Variants in GAREM1 observed in about 807,000 individuals in gnomAD.
The protein encoded by GAREM1 is GRB2 associated regulator of MAPK1 subtype 1.
Under a neutral mutation model 71.3 loss-of-function variants are expected in GAREM1, and 26 were observed. That is an observed-to-expected ratio of 0.36 (90% CI 0.27 to 0.51). GAREM1 has a LOEUF of 0.51. Among genes scored for constraint, GAREM1 ranks in the 20% least tolerant of loss-of-function variants. GAREM1 has a pLI of 0.95. For synonymous variants in GAREM1, 440 were observed against 433.2 expected (o/e 1.02, Z -0.20); for missense variants, 1,026 against 1,103.1 (o/e 0.93, Z 0.99).
chr18:32,398,981 T>C (rs1427333012), intron 1 of GAREM1, among the ~76,000 whole-genome samples: 1 of 152,164 alleles, frequency 6.6e-6, no homozygotes, highest in East Asian at 1.9e-4. Flanking sequence ...CATGATCAAG[T>C]GGGCTTCATC....
intron 1 of GAREM1, among the ~76,000 whole-genome samples, chr18:32,425,441 A>G (rs1365138731): frequency 1.3e-5 from 2 of 152,188 alleles, no homozygotes; most frequent in African/African-American, 4.8e-5. Context: ...ATAGTCTGCT[A>G]ATTGATCAGT....
At chr18:32,358,502 C>T (rs2047828416) in intron 2 of GAREM1, among the ~76,000 whole-genome samples, 1 of 152,132 alleles carries the variant, frequency 6.6e-6, no homozygotes, top group Admixed American at 6.5e-5. Flanking sequence ...GCTTAGCTCT[C>T]CACTTCTCTG....
intron 3 of GAREM1, among the ~76,000 whole-genome samples, chr18:32,291,544 C>A (rs984715845): frequency 5.9e-5 from 9 of 151,868 alleles, no homozygotes; most frequent in African/African-American, 2.2e-4. Context: ...GCAGAACGTT[C>A]AGGTTTATTA....
At chr18:32,410,895 C>T (rs772735083) in intron 1 of GAREM1, among the ~76,000 whole-genome samples, 6 of 152,130 alleles carry the variant, frequency 3.9e-5, no homozygotes, top group Non-Finnish European at 5.9e-5. Flanking sequence ...CTCCGTCTCC[C>T]GGGTTCAAGC....
At chr18:32,463,087 CAAAAA>C (rs35362243) in intron 1 of GAREM1, among the ~76,000 whole-genome samples, 4 of 148,046 alleles carry the variant, frequency 2.7e-5, no homozygotes, top group Non-Finnish European at 4.5e-5. Context: ...GTTCCCACTA[CAAAAA>C]AAAAAGATAA....
chr18:32,374,412 C>T (rs995232225), intron 2 of GAREM1, among the ~76,000 whole-genome samples: 4 of 152,316 alleles, frequency 2.6e-5, no homozygotes, highest in Admixed American at 6.5e-5. Context: ...TTTTGCTCTC[C>T]TTGTCAGCAT....
rs139517057 is a variant in GAREM1, at chr18:32,360,454, A to G, written c.262+32441T>C. 2.6e-5 allele frequency among the ~76,000 whole-genome samples: 4 copies of G among 152,190 alleles called. No homozygotes were observed. The East Asian group carries it at 5.8e-4, about 22-fold the overall frequency. The stretch of plus-strand genomic sequence containing the variant: ...TCAGATGGAAGTTTCAGGTGCATGA[A>G]AGGGGCTTGTTGACTGGTTAATTTC... On this transcript the variant is annotated intron_variant, in intron 2 of 5. Transcript: ENST00000269209.
intron 2 of GAREM1, among the ~76,000 whole-genome samples, chr18:32,344,781 G>T (rs189426525): frequency 6.6e-6 from 1 of 152,172 alleles, no homozygotes; most frequent in Non-Finnish European, 1.5e-5. Flanking sequence ...CAGTCTGTAG[G>T]CCGGGCACGG....
chr18:32,284,973 T>C (rs1254844948), intron 4 of GAREM1, among the ~76,000 whole-genome samples: 1 of 151,844 alleles, frequency 6.6e-6, no homozygotes, highest in Non-Finnish European at 1.5e-5. Context: ...ATGGTCTCGA[T>C]CTCCTGACCT....
chr18:32,324,592 CAA>C (rs2144545144), intron 2 of GAREM1, among the ~76,000 whole-genome samples: 1 of 152,316 alleles, frequency 6.6e-6, no homozygotes, highest in African/African-American at 2.4e-5. Context: ...ACAGTATTAT[CAA>C]AAGAGGATAG....
rs890407963 is a variant in GAREM1 at position 32,266,372 on chromosome 18, C to G, written c.*1499G>C. On this transcript the variant is annotated 3_prime_UTR_variant, in exon 6 of 6. Transcript: ENST00000269209. Reference sequence around the variant, plus strand: ...TTATGCTGCCGCCTCACTGGCTGACCTTCCTATTCAAGAGGGCACTGTGTG... The same window carrying G: ...TTATGCTGCCGCCTCACTGGCTGACGTTCCTATTCAAGAGGGCACTGTGTG... 6.6e-6 allele frequency: 1 copy of G among 152,024 alleles called. No homozygotes were observed. Among genetic ancestry groups the G allele is most frequent in the African/African-American group, 2.4e-5 (1 of 41,396 alleles). 9.4% of individuals were successfully genotyped at this position (152,024 alleles called of 1,614,324 possible).
In GAREM1 at chr18:32,267,728, A is replaced by T; in HGVS notation, c.*143T>A. On this transcript the variant is annotated 3_prime_UTR_variant, in exon 6 of 6. Coordinates refer to ENST00000269209, the MANE Select transcript of GAREM1 (RefSeq NM_001242409.2). Reference sequence around the variant, plus strand: ...AAAATAGCCTGTTCACCATTCAAAAACGTAATCTGCATAGTAAGAGTTTCT... The same window carrying T: ...AAAATAGCCTGTTCACCATTCAAAATCGTAATCTGCATAGTAAGAGTTTCT... 3.1e-6 allele frequency: 2 copies of T among 645,678 alleles called. No homozygotes were observed. The highest frequency in any genetic ancestry group is 5.3e-6 in the Non-Finnish European group (2 of 379,114). The allele number at this position is 645,678 out of a possible 1,614,324, so 40.0% of individuals were successfully genotyped here. A position where few individuals can be genotyped will look rare whatever the true frequency, so the allele number is the denominator to read the frequency against.
chr18:32,342,167 G>A (rs1416361076), intron 2 of GAREM1, among the ~76,000 whole-genome samples: 6 of 151,992 alleles, frequency 3.9e-5, no homozygotes, highest in African/African-American at 1.4e-4. Flanking sequence ...TTTGAAGTTG[G>A]TACTATTATT....
In GAREM1 at chr18:32,343,307, C is replaced by T. The variant is rs551321579; in HGVS notation, c.263-32984G>A. ...GAAAAGCTAAAAGAGTACTCTCCCC[C>T]ACTGTTTTTTTTTTTTTTTTTTTTT... On this transcript the variant is annotated intron_variant, in intron 2 of 5. Coordinates refer to ENST00000269209, the MANE Select transcript of GAREM1 (RefSeq NM_001242409.2). Among the ~76,000 whole-genome samples the T allele has an allele frequency of 5.4e-5, 8 of 147,354 alleles. No homozygotes were observed. In the East Asian group the frequency reaches 1.2e-3, roughly 22 times the overall value.
At chr18:32,285,514 G>A (rs182836279) in intron 4 of GAREM1, among the ~76,000 whole-genome samples, 35 of 152,238 alleles carry the variant, frequency 2.3e-4, no homozygotes, top group African/African-American at 8.4e-4. Context: ...CTTCCAGCTC[G>A]TTGCTCATGC....
At chr18:32,397,994 C>A (rs944519182) in intron 1 of GAREM1, among the ~76,000 whole-genome samples, 30 of 152,180 alleles carry the variant, frequency 2.0e-4, no homozygotes, top group African/African-American at 6.8e-4. Context: ...CAAACTAGAA[C>A]TCAGGATTAA....
At chr18:32,463,851 G>A (rs543019743) in intron 1 of GAREM1, among the ~76,000 whole-genome samples, 1 of 152,020 alleles carries the variant, frequency 6.6e-6, no homozygotes, top group African/African-American at 2.4e-5. Context: ...TTACAGGCGT[G>A]AGCCACTGCG....
At chr18:32,463,178 T>G (rs545918603) in intron 1 of GAREM1, among the ~76,000 whole-genome samples, 1 of 152,298 alleles carries the variant, frequency 6.6e-6, no homozygotes, top group African/African-American at 2.4e-5. Context: ...AAATGCCACA[T>G]TGTACTCCAT....
chr18:32,324,220 C>T (rs910616782), intron 2 of GAREM1, among the ~76,000 whole-genome samples: 5 of 152,164 alleles, frequency 3.3e-5, no homozygotes, highest in African/African-American at 4.8e-5. Context: ...TTCTCTTCTA[C>T]GCCTTATGGA....
Sources: gnomAD v4.1 joint callset for allele counts (sites outside exome capture counted in the v4.1 genomes callset) on GRCh38, gnomAD v4.1.1 for gene constraint, MANE v1.5 for transcripts, NCBI Gene and HGNC (gene_info 2026-07-23, HGNC 2026-07-21) for gene names.